RILPL2: variants seen among roughly 807,000 people sequenced by gnomAD.
The protein encoded by RILPL2 is RILP-like protein 2.
A neutral mutation model predicts 22.2 loss-of-function variants in RILPL2; 19 were observed. The observed-to-expected ratio is 0.86, with a 90% confidence interval of 0.60 to 1.25. RILPL2 has a LOEUF of 1.25. Ranked by LOEUF, RILPL2 falls within the 50% of genes most tolerant of loss-of-function variation. The pLI is 0.00. For missense variants in RILPL2, 243 were observed against 263.6 expected (o/e 0.92, Z 0.54); for synonymous variants, 123 against 111.6 (o/e 1.10, Z -0.64).
chr12:123,435,805 G>T (rs1341058081), intron 1 of RILPL2, among the ~76,000 whole-genome samples: 1 of 152,032 alleles, frequency 6.6e-6, no homozygotes, highest in Admixed American at 6.6e-5. Flanking sequence ...TGGGCCAATA[G>T]CATCAGCATT....
chr12:123,429,753 T>C (rs1266613325), intron 2 of RILPL2, among the ~76,000 whole-genome samples: 1 of 151,734 alleles, frequency 6.6e-6, no homozygotes, highest in Non-Finnish European at 1.5e-5. Context: ...ACTATAGGCA[T>C]GAGCCACCAT....
At chr12:123,428,523 C>G (rs1879508243) in intron 2 of RILPL2, among the ~76,000 whole-genome samples, 2 of 152,230 alleles carry the variant, frequency 1.3e-5, no homozygotes, top group African/African-American at 2.4e-5. Flanking sequence ...TGGGTTCTTA[C>G]AACGCTTCTG....
At chr12:123,430,800 C>T in intron 1 of RILPL2, 141 bp from the exon 2 acceptor site, 1 of 516,594 alleles carries the variant, frequency 1.9e-6, no homozygotes, top group Non-Finnish European at 2.7e-6. Context: ...TTCGGGCTCC[C>T]AGGTTCAAGC....
In RILPL2 at chr12:123,423,098, G is replaced by A. The variant is rs1479158515; in HGVS notation, c.551C>T (p.Thr184Ile). 6.2e-7 allele frequency: 1 copy of A among 1,613,508 alleles called. No individual in the cohort carries two copies. Among genetic ancestry groups the A allele is most frequent in the East Asian group, 2.2e-5 (1 of 44,868 alleles). Residue 184 changes from threonine (T) to isoleucine (I), a missense_variant, in exon 3 of 4, where the codon ACT becomes ATT. Transcript: ENST00000280571. ...GGRREKDAVVTSAKNAGRNKE... is the reference protein window; with the variant it reads ...GGRREKDAVVISAKNAGRNKE... ...GTTCCTGCCAGCATTTTTGGCACTA[G>A]TAACCACAGCATCTTTTTCTCTTCT...
At chr12:123,425,490 C>T (rs1485129477) in intron 2 of RILPL2, among the ~76,000 whole-genome samples, 1 of 150,644 alleles carries the variant, frequency 6.6e-6, no homozygotes, top group African/African-American at 2.4e-5. Flanking sequence ...AATTGTGTGT[C>T]TTTAATAAAA....
chr12:123,416,567 G>C (rs183082417), intron 3 of RILPL2, among the ~76,000 whole-genome samples: 94 of 152,106 alleles, frequency 6.2e-4, no homozygotes, highest in African/African-American at 2.1e-3. Context: ...ATAAACCCGG[G>C]AGGCGGAGCT....
intron 3 of RILPL2, among the ~76,000 whole-genome samples, chr12:123,417,212 T>C (rs1177423202): frequency 1.3e-5 from 2 of 151,126 alleles, no homozygotes; most frequent in Admixed American, 1.3e-4. Flanking sequence ...GGTGGGAGGA[T>C]CGCTTGAAAC....
downstream of RILPL2, chr12:123,411,787 G>C (rs937840837): frequency 2.8e-4 from 42 of 151,742 alleles, 2 homozygotes. Context: ...GCCTCCCAAA[G>C]TGCTAGGATT....
chr12:123,411,584 G>A (rs1450457373), downstream of RILPL2: 1 of 117,138 alleles, frequency 8.5e-6, no homozygotes, highest in Non-Finnish European at 1.7e-5. Flanking sequence ...TTGAGACGGA[G>A]TCTCATTCTG....
intron 2 of RILPL2, among the ~76,000 whole-genome samples, chr12:123,426,604 CT>C (rs1037982974): frequency 6.6e-6 from 1 of 151,334 alleles, no homozygotes; most frequent in African/African-American, 2.4e-5. Flanking sequence ...TTCTTTCTTT[CT>C]TTTTTTTCTT....
At chr12:123,426,068 C>G (rs1879435345) in intron 2 of RILPL2, among the ~76,000 whole-genome samples, 1 of 152,122 alleles carries the variant, frequency 6.6e-6, no homozygotes, top group Non-Finnish European at 1.5e-5. Context: ...CCCAAACTCC[C>G]AAAGTGTTGG....
intron 3 of RILPL2, among the ~76,000 whole-genome samples, chr12:123,418,681 G>C (rs923123536): frequency 6.6e-6 from 1 of 151,394 alleles, no homozygotes; most frequent in African/African-American, 2.4e-5. Flanking sequence ...TGTGGTCCAA[G>C]GAACTTTTGA....
chr12:123,430,991 G>T (rs1259915999), intron 1 of RILPL2, among the ~76,000 whole-genome samples: 1 of 152,112 alleles, frequency 6.6e-6, no homozygotes, highest in Admixed American at 6.6e-5. Context: ...GAGCCACCGC[G>T]CCCGGCCTAC....
At position 123,436,467 on chromosome 12, in the gene RILPL2, C is replaced by T. The variant is rs111850174; in HGVS notation, c.-47G>A. 1.0e-5 allele frequency: 16 copies of T among 1,524,500 alleles called. No individual in the cohort carries two copies. The highest frequency in any genetic ancestry group is 5.5e-5 in the African/African-American group (4 of 72,808). The allele number at this position is 1,524,500 out of a possible 1,614,324, so 94.4% of individuals were successfully genotyped here. A position where few individuals can be genotyped will look rare whatever the true frequency, so the allele number is the denominator to read the frequency against. On this transcript the variant is annotated 5_prime_UTR_variant, in exon 1 of 4. Coordinates refer to ENST00000280571, the MANE Select transcript of RILPL2 (RefSeq NM_145058.3). The surrounding 1 kb of genome is among the most constrained non-coding windows in gnomAD (Gnocchi z 6.7). ...CCTCGGAGCTGCTGTCTTGGAGTCT[C>T]CCAAAGGTTAGACTTCCTCCCGGCA...
At chr12:123,424,479 G>A (rs1879377915) in intron 2 of RILPL2, among the ~76,000 whole-genome samples, 1 of 151,652 alleles carries the variant, frequency 6.6e-6, no homozygotes, top group Non-Finnish European at 1.5e-5. Context: ...TTACAGGTGT[G>A]CACCACCACG....
Position 123,436,228 on chromosome 12 carries a change from G to A in RILPL2, c.193C>T (p.Gln65Ter). The change falls in exon 1 of 4, where the codon CAG (glutamine) becomes TAG (stop). Residue 65 changes from glutamine (Q) to a stop codon, truncating the protein, a stop_gained. Coordinates refer to ENST00000280571, the MANE Select transcript of RILPL2 (RefSeq NM_145058.3). LOFTEE classifies it high-confidence loss of function. This position sits in a 1 kb window ranked among gnomAD's most constrained non-coding sequence, Gnocchi z 6.7. The part of the protein sequence containing the change: ...LGSDPRVTQL[Q>*]FKVVRVLEML... Reference sequence around the variant, plus strand: ...TCCAGGACGCGGACGACTTTGAACTGCAGCTGCGTCACCCGGGGGTCGCTG... The same window carrying A: ...TCCAGGACGCGGACGACTTTGAACTACAGCTGCGTCACCCGGGGGTCGCTG... The A allele has an allele frequency of 6.2e-7, 1 of 1,612,590 alleles. No individual in the cohort carries two copies. Among genetic ancestry groups the A allele is most frequent in the Non-Finnish European group, 8.5e-7 (1 of 1,179,408 alleles).
intron 2 of RILPL2, among the ~76,000 whole-genome samples, chr12:123,429,149 C>T (rs888017055): frequency 6.6e-6 from 1 of 151,842 alleles, no homozygotes; most frequent in East Asian, 1.9e-4. Flanking sequence ...TTTAACTTTC[C>T]TTATTTTTTT....
chr12:123,411,037 T>C (rs1343519403), downstream of RILPL2: 1 of 149,682 alleles, frequency 6.7e-6, no homozygotes, highest in Non-Finnish European at 1.5e-5. Context: ...TATTTTTATT[T>C]ATTTATTTAT....
intron 3 of RILPL2, among the ~76,000 whole-genome samples, chr12:123,422,601 G>C (rs527984763): frequency 5.3e-5 from 8 of 152,254 alleles, no homozygotes; most frequent in South Asian, 2.1e-4. Flanking sequence ...GGCTTCAAAT[G>C]AATCTCTTGC....
Sources: gnomAD v4.1 joint callset for allele counts (sites outside exome capture counted in the v4.1 genomes callset) on GRCh38, gnomAD v4.1.1 for gene constraint, Gnocchi (gnomAD v3.1) non-coding constraint, MANE v1.5 for transcripts, NCBI Gene and HGNC (gene_info 2026-07-23, HGNC 2026-07-21) for gene names.